THSD7A: variants seen among roughly 807,000 people sequenced by gnomAD.
THSD7A encodes the protein thrombospondin type-1 domain-containing protein 7A.
In THSD7A, 96 loss-of-function variants were observed where a neutral mutation model predicts 231.3. The ratio of observed to expected loss-of-function variants is 0.41; its 90% confidence interval spans 0.35 to 0.49. The LOEUF is 0.49. Among genes scored for constraint, THSD7A ranks in the 20% least tolerant of loss-of-function variants. THSD7A has a pLI of 0.05. For synonymous variants in THSD7A, 940 were observed against 743.3 expected, an observed-to-expected ratio of 1.26 and a Z score of -4.30; for missense variants, 2,290 against 2,070.2, an observed-to-expected ratio of 1.11 and a Z score of -2.06.
At chr7:11,490,470 G>A (rs1786842278) in intron 6 of THSD7A, among the ~76,000 whole-genome samples, 1 of 152,110 alleles carries the variant, frequency 6.6e-6, no homozygotes, top group South Asian at 2.1e-4. Flanking sequence ...GACAAAAAGG[G>A]TATGTGTGTA....
At chr7:11,464,675 A>G (rs1162738584) in intron 9 of THSD7A, among the ~76,000 whole-genome samples, 2 of 152,112 alleles carry the variant, frequency 1.3e-5, no homozygotes, top group Non-Finnish European at 2.9e-5. Context: ...GTGGCAATCC[A>G]TTTATTCTTA....
chr7:11,379,313 T>C (rs1287786979), intron 25 of THSD7A, 33 bp from the exon 26 acceptor site: 4 of 1,603,872 alleles, frequency 2.5e-6, no homozygotes, highest in African/African-American at 2.7e-5. Context: ...ATACTAGCCA[T>C]GCAAGGAATC....
intron 6 of THSD7A, among the ~76,000 whole-genome samples, chr7:11,518,488 T>G (rs1402139915): frequency 6.6e-6 from 1 of 152,186 alleles, no homozygotes; most frequent in Non-Finnish European, 1.5e-5. Context: ...ATTCATTACA[T>G]GCTGGCATTG....
chr7:11,766,550 C>A (rs1283637246), intron 1 of THSD7A, among the ~76,000 whole-genome samples: 1 of 152,128 alleles, frequency 6.6e-6, no homozygotes, highest in Non-Finnish European at 1.5e-5. Flanking sequence ...AGAGATTAAA[C>A]AAGTGAATGT....
intron 1 of THSD7A, among the ~76,000 whole-genome samples, chr7:11,730,627 A>C (rs1781697033): frequency 6.6e-6 from 1 of 151,618 alleles, no homozygotes; most frequent in Non-Finnish European, 1.5e-5. Context: ...TCACCCAAAC[A>C]TTTTAGCTAA....
chr7:11,490,887 A>G (rs1004819545), intron 6 of THSD7A, among the ~76,000 whole-genome samples: 2 of 152,058 alleles, frequency 1.3e-5, no homozygotes, highest in African/African-American at 4.8e-5. Flanking sequence ...ATTCCCATTC[A>G]TATTAACTGA....
At chr7:11,630,925 T>A (rs929522674) in intron 2 of THSD7A, among the ~76,000 whole-genome samples, 2 of 152,202 alleles carry the variant, frequency 1.3e-5, no homozygotes, top group Non-Finnish European at 2.9e-5. Context: ...CAGGCTATGC[T>A]TGTTGCAGTC....
intron 1 of THSD7A, among the ~76,000 whole-genome samples, chr7:11,705,005 G>A (rs1042479812): frequency 2.0e-5 from 3 of 151,006 alleles, no homozygotes; most frequent in Admixed American, 2.0e-4. Context: ...CAGTTGACAC[G>A]TCAGAACTAA....
chr7:11,651,287 G>C (rs1452801710), intron 1 of THSD7A, among the ~76,000 whole-genome samples: 1 of 151,988 alleles, frequency 6.6e-6, no homozygotes, highest in African/African-American at 2.4e-5. Context: ...AGGTGAAGAA[G>C]GATATGGGAA....
At chr7:11,409,736 T>TAATA (rs1301385815) in intron 19 of THSD7A, among the ~76,000 whole-genome samples, 1 of 151,970 alleles carries the variant, frequency 6.6e-6, no homozygotes, top group African/African-American at 2.4e-5. Flanking sequence ...TTATCTTCAT[T>TAATA]AATACTGATG....
Position 11,632,280 on chromosome 7 carries a change from A to G in THSD7A, c.1022+3850T>C, listed in dbSNP as rs958376530. ...CAACTACATCCTTTTCTATTTTTCC[A>G]AGTCTAGTGTTAAGTGCAGAACTTT... is the stretch of plus-strand genomic sequence containing the variant. On this transcript the variant is annotated intron_variant, in intron 2 of 27. Transcript: ENST00000423059. The surrounding 1 kb of genome is among the most constrained non-coding windows in gnomAD (Gnocchi z 4.1). Among the ~76,000 whole-genome samples, 1 of 152,074 alleles carries G rather than the reference A, an allele frequency of 6.6e-6. No homozygotes were observed. The highest frequency in any genetic ancestry group is 1.5e-5 in the Non-Finnish European group (1 of 68,004).
intron 1 of THSD7A, among the ~76,000 whole-genome samples, chr7:11,745,774 T>C (rs1562524663): frequency 6.6e-6 from 1 of 152,108 alleles, no homozygotes; most frequent in Admixed American, 6.6e-5. Flanking sequence ...GCATTATTTC[T>C]GAGGGCTCTG....
chr7:11,668,310 C>T (rs968517525), intron 1 of THSD7A, among the ~76,000 whole-genome samples: 5 of 151,964 alleles, frequency 3.3e-5, no homozygotes, highest in South Asian at 2.1e-4. Flanking sequence ...CCCAGCTTCT[C>T]GGGAGACTGA....
chr7:11,563,189 A>C (rs1790147977), intron 4 of THSD7A, among the ~76,000 whole-genome samples: 1 of 109,646 alleles, frequency 9.1e-6, no homozygotes, highest in Non-Finnish European at 2.0e-5. Context: ...CATAAACCCC[A>C]TCATACTTAA....
intron 1 of THSD7A, among the ~76,000 whole-genome samples, chr7:11,639,466 G>A (rs556305055): frequency 2.6e-5 from 4 of 152,094 alleles, no homozygotes; most frequent in African/African-American, 7.2e-5. Context: ...TCAGGAGATC[G>A]AGACCATCCT....
At chr7:11,578,153 G>A (rs13229567) in intron 4 of THSD7A, among the ~76,000 whole-genome samples, 26,789 of 151,922 alleles carry the variant, frequency 0.18, 2,418 homozygotes, top group East Asian at 0.22. Flanking sequence ...TGCATGCTAA[G>A]GATTTGGAGC....
At chr7:11,755,722 A>C (rs1782651860) in intron 1 of THSD7A, among the ~76,000 whole-genome samples, 1 of 152,120 alleles carries the variant, frequency 6.6e-6, no homozygotes, top group South Asian at 2.1e-4. Flanking sequence ...ACTGGCTCAG[A>C]GCAGACCAGG....
chr7:11,591,254 G>A (rs1009234393), intron 3 of THSD7A, among the ~76,000 whole-genome samples: 2 of 149,802 alleles, frequency 1.3e-5, no homozygotes, highest in Admixed American at 6.7e-5. Flanking sequence ...CAGGAAAGAA[G>A]ATCTATGATG....
rs552785028 is a variant in THSD7A at position 11,696,618 on chromosome 7, C to A, written c.191-59657G>T. Among the ~76,000 whole-genome samples, 4 of 151,216 alleles carry A rather than the reference C, an allele frequency of 2.6e-5. No homozygotes were observed. In the Admixed American group the frequency reaches 2.6e-4, roughly 10 times the overall value. ...CTCCCCCCGACAGGCCCCGCCAAAT[C>A]ATGAGTGAACTCCCATTCACAGTTG... is the stretch of plus-strand genomic sequence containing the variant. On this transcript the variant is annotated intron_variant, in intron 1 of 27. Transcript: ENST00000423059.
Sources: gnomAD v4.1 joint callset for allele counts (sites outside exome capture counted in the v4.1 genomes callset) on GRCh38, gnomAD v4.1.1 for gene constraint, Gnocchi (gnomAD v3.1) non-coding constraint, MANE v1.5 for transcripts, NCBI Gene and HGNC (gene_info 2026-07-23, HGNC 2026-07-21) for gene names.